Variants in PAFAH1B2 observed in about 807,000 individuals in gnomAD.
The protein encoded by PAFAH1B2 is platelet-activating factor acetylhydrolase IB subunit alpha2.
In PAFAH1B2, 8 loss-of-function variants were observed where a neutral mutation model predicts 28.0. The observed-to-expected ratio is 0.29, with a 90% CI of 0.17 to 0.52. The LOEUF (loss-of-function observed/expected upper bound fraction) is 0.52, where lower values mean the gene tolerates loss of function less well. PAFAH1B2 is among the 20% of genes least tolerant of loss of function. PAFAH1B2 has a pLI of 0.97. For synonymous variants in PAFAH1B2, 104 were observed against 103.2 expected, an observed-to-expected ratio of 1.01 and a Z score of -0.05; for missense variants, 190 against 282.6, an observed-to-expected ratio of 0.67 and a Z score of 2.35.
At chr11:117,145,933 TGTCATA>T (rs1466149097) in intron 1 of PAFAH1B2, among the ~76,000 whole-genome samples, 3 of 152,184 alleles carry the variant, frequency 2.0e-5, no homozygotes, top group Non-Finnish European at 4.4e-5. Flanking sequence ...AGTGCTGTAT[TGTCATA>T]GTAAGTAGAG....
chr11:117,164,774 G>T (rs567545893), intron 5 of PAFAH1B2, among the ~76,000 whole-genome samples: 2 of 151,756 alleles, frequency 1.3e-5, no homozygotes, highest in Admixed American at 6.6e-5. Flanking sequence ...GGTGGCTCAC[G>T]TCTGTAATCC....
At chr11:117,157,512 G>GTAC (rs879572348) in intron 2 of PAFAH1B2, among the ~76,000 whole-genome samples, 103 of 152,266 alleles carry the variant, frequency 6.8e-4, no homozygotes, top group Admixed American at 4.5e-3. Flanking sequence ...ACCTGTGGAT[G>GTAC]AATATCTGAG....
At chr11:117,153,289 G>T (rs1372307252) in intron 2 of PAFAH1B2, among the ~76,000 whole-genome samples, 1 of 152,140 alleles carries the variant, frequency 6.6e-6, no homozygotes, top group Non-Finnish European at 1.5e-5. Flanking sequence ...AATTTAGAAA[G>T]AAGTATCTTC....
At chr11:117,150,544 T>A (rs1376029524) in intron 1 of PAFAH1B2, among the ~76,000 whole-genome samples, 1 of 152,188 alleles carries the variant, frequency 6.6e-6, no homozygotes, top group East Asian at 1.9e-4. Flanking sequence ...TAGTATTATT[T>A]GCTTCTGTAA....
rs559233868 is a variant in PAFAH1B2, at chr11:117,170,717, T to C, written c.*3018T>C. Reference sequence around the variant, plus strand: ...CAATTGTATGCTAAAGCCTGAAATATTGTCTGTGCTGTGGTGTATGAGCAT... The same window carrying C: ...CAATTGTATGCTAAAGCCTGAAATACTGTCTGTGCTGTGGTGTATGAGCAT... On this transcript the variant is annotated 3_prime_UTR_variant, in exon 6 of 6. Transcript: ENST00000527958. 3.8e-6 allele frequency: 4 copies of C among 1,060,888 alleles called. No homozygotes were observed. The Admixed American group carries it at 1.6e-4, about 43-fold the overall frequency. The allele number at this position is 1,060,888 out of a possible 1,614,324, so 65.7% of individuals were successfully genotyped here. A position where few individuals can be genotyped will look rare whatever the true frequency, so the allele number is the denominator to read the frequency against.
At position 117,167,967 on chromosome 11, in the gene PAFAH1B2, C is replaced by G; in HGVS notation, c.*268C>G. On this transcript the variant is annotated 3_prime_UTR_variant, in exon 6 of 6. Coordinates refer to ENST00000527958, the MANE Select transcript of PAFAH1B2 (RefSeq NM_002572.4). ...TTTTTAGTTGTATGTGTAACACATT[C>G]ATTGAATTATTATCACTGTTTTCTT... 1 of 1,103,882 alleles carries G rather than the reference C, an allele frequency of 9.1e-7. No homozygotes were observed. The highest frequency in any genetic ancestry group is 1.1e-6 in the Non-Finnish European group (1 of 905,398). 68.4% of individuals were successfully genotyped at this position (1,103,882 alleles called of 1,614,324 possible). A position where few individuals can be genotyped will look rare whatever the true frequency, so the allele number is the denominator to read the frequency against.
chr11:117,151,664 A>G (rs565208298), intron 1 of PAFAH1B2, among the ~76,000 whole-genome samples: 1 of 152,260 alleles, frequency 6.6e-6, no homozygotes, highest in East Asian at 1.9e-4. Flanking sequence ...ATGTTTATTT[A>G]GTAACCAGTG....
downstream of PAFAH1B2, chr11:117,175,951 C>T: frequency 6.5e-7 from 1 of 1,532,186 alleles, no homozygotes; most frequent in South Asian, 1.2e-5. Context: ...AAGAAAAGTC[C>T]AGATGGACTG....
In PAFAH1B2 at chr11:117,169,524, T is replaced by C. The variant is rs1956599258; in HGVS notation, c.*1825T>C. 1 of 1,055,570 alleles carries C rather than the reference T, an allele frequency of 9.5e-7. No homozygotes were observed. The highest frequency in any genetic ancestry group is 1.6e-5 in the African/African-American group (1 of 60,640). 65.4% of individuals were successfully genotyped at this position (1,055,570 alleles called of 1,614,324 possible). A position where few individuals can be genotyped will look rare whatever the true frequency, so the allele number is the denominator to read the frequency against. ...TTACTGATGCGTGCTAAGACCGATT[T>C]CTGATTGAGGGATGAACCTTGGGCT... is the stretch of plus-strand genomic sequence containing the variant. On this transcript the variant is annotated 3_prime_UTR_variant, in exon 6 of 6. Transcript: ENST00000527958.
chr11:117,171,662 T>C, downstream of PAFAH1B2: 1 of 1,510,408 alleles, frequency 6.6e-7, no homozygotes, highest in South Asian at 1.2e-5. Context: ...TCAGAGATAG[T>C]GAGACTAGAA....
Position 117,176,314 on chromosome 11 carries a change from A to C in PAFAH1B2, c.*1416A>C, listed in dbSNP as rs570371151. 9.8e-6 allele frequency: 3 copies of C among 306,410 alleles called. No individual in the cohort carries two copies. In the South Asian group the frequency reaches 3.0e-4, roughly 31 times the overall value. The allele number at this position is 306,410 out of a possible 1,614,324, so 19.0% of individuals were successfully genotyped here. On this transcript the variant is annotated 3_prime_UTR_variant, in exon 6 of 6. Coordinates refer to the PAFAH1B2 transcript ENST00000419197. Reference sequence around the variant, plus strand: ...GACAGGGGCCAAAACTAATTCCTCCACTCACCATTTGCCCAGCATAACTAC... The same window carrying C: ...GACAGGGGCCAAAACTAATTCCTCCCCTCACCATTTGCCCAGCATAACTAC...
chr11:117,176,507 G>A (rs1805889729), exon 6 of PAFAH1B2: 1 of 194,590 alleles, frequency 5.1e-6, no homozygotes, highest in Admixed American at 6.1e-5. Context: ...AGAGAACTCT[G>A]ACAAGGCACT....
rs1956554783 is a variant in PAFAH1B2, at chr11:117,168,151, T to C, written c.*452T>C. ...GGTTCATAATTTAGCCTTTTGTTTT[T>C]ATGTTGCTTAGATTCTTATGTATAC... On this transcript the variant is annotated 3_prime_UTR_variant, in exon 6 of 6. Coordinates refer to ENST00000527958, the MANE Select transcript of PAFAH1B2 (RefSeq NM_002572.4). The C allele has an allele frequency of 9.5e-7, 1 of 1,052,426 alleles. No individual in the cohort carries two copies. The highest frequency in any genetic ancestry group is 1.1e-6 in the Non-Finnish European group (1 of 869,646). 65.2% of individuals were successfully genotyped at this position (1,052,426 alleles called of 1,614,324 possible). A position where few individuals can be genotyped will look rare whatever the true frequency, so the allele number is the denominator to read the frequency against.
At chr11:117,172,383 TATATATATATATATATATA>T (rs1956682753), downstream of PAFAH1B2, among the ~76,000 whole-genome samples, 165 of 3,246 alleles carry the variant, frequency 0.051, 3 homozygotes, top group Non-Finnish European at 0.071. Flanking sequence ...TATATATATA[TATATATATATATATATATA>T]TATTTTTTTT....
chr11:117,144,652 C>G (rs1250944747), intron 1 of PAFAH1B2, among the ~76,000 whole-genome samples: 1 of 152,136 alleles, frequency 6.6e-6, no homozygotes, highest in Non-Finnish European at 1.5e-5. Context: ...AGCCCTTTCC[C>G]GATATTCCAT....
exon 6 of PAFAH1B2, chr11:117,176,075 G>A: frequency 1.3e-6 from 1 of 751,474 alleles, no homozygotes; most frequent in Non-Finnish European, 2.3e-6. Flanking sequence ...GCCTAGATGT[G>A]CTGGAAACAG....
chr11:117,166,124 T>G (rs1046520580), intron 5 of PAFAH1B2, among the ~76,000 whole-genome samples: 32 of 152,254 alleles, frequency 2.1e-4, no homozygotes, highest in African/African-American at 7.0e-4. Context: ...ATTACAGGCG[T>G]GAGCCACTGC....
downstream of PAFAH1B2, chr11:117,171,633 C>T (rs893429649): frequency 3.7e-5 from 49 of 1,336,490 alleles, no homozygotes; most frequent in Middle Eastern, 1.8e-4. Context: ...GTAAAGCAGC[C>T]GCCTCCAAAT....
At chr11:117,174,164 T>TGTGTGTGTG (rs1555034628), downstream of PAFAH1B2, among the ~76,000 whole-genome samples, 140 of 138,920 alleles carry the variant, frequency 1.0e-3, no homozygotes, top group Admixed American at 2.6e-3. Context: ...TTCATGTCTT[T>TGTGTGTGTG]TGTGTGTGTG....
Sources: gnomAD v4.1 joint callset for allele counts (sites outside exome capture counted in the v4.1 genomes callset) on GRCh38, gnomAD v4.1.1 for gene constraint, MANE v1.5 for transcripts, NCBI Gene and HGNC (gene_info 2026-07-23, HGNC 2026-07-21) for gene names.